IGBP1C: variants seen among roughly 807,000 people sequenced by gnomAD.
IGBP1C encodes the protein IGBP1 family member C, also known as immunoglobulin-binding protein 1 family member C.
the IGBP1C span, among the ~76,000 whole-genome samples, chr17:58,682,947 C>T: frequency 1.3e-5 from 2 of 149,144 alleles, no homozygotes; most frequent in South Asian, 2.2e-4. Flanking sequence ...GAGCTGGATG[C>T]GGTGGCTAAC....
the IGBP1C span, among the ~76,000 whole-genome samples, chr17:58,665,772 G>A: frequency 0.016 from 2,391 of 152,052 alleles, 64 homozygotes; most frequent in African/African-American, 0.054. Context: ...AAGGCTGGGC[G>A]CGGTGGCTCA....
chr17:58,676,138 G>A, the IGBP1C span, among the ~76,000 whole-genome samples: 1 of 152,180 alleles, frequency 6.6e-6, no homozygotes, highest in Non-Finnish European at 1.5e-5. Context: ...CACTTTGGAA[G>A]GCTGACGCAG....
chr17:58,682,669 C>T, the IGBP1C span, among the ~76,000 whole-genome samples: 6 of 152,282 alleles, frequency 3.9e-5, no homozygotes, highest in South Asian at 4.1e-4. Flanking sequence ...CCACCATGCC[C>T]GGCTGCCCAG....
the IGBP1C span, among the ~76,000 whole-genome samples, chr17:58,665,906 G>A: frequency 2.0e-5 from 3 of 151,870 alleles, no homozygotes; most frequent in African/African-American, 4.8e-5. Context: ...AACTAGCCAC[G>A]CGTGGTGGCG....
the IGBP1C span, among the ~76,000 whole-genome samples, chr17:58,688,510 T>C: frequency 6.6e-6 from 1 of 152,208 alleles, no homozygotes; most frequent in Non-Finnish European, 1.5e-5. Flanking sequence ...AATATGCGCA[T>C]TAGAATGCTG....
At chr17:58,683,142 G>A in the IGBP1C span, among the ~76,000 whole-genome samples, 14 of 151,810 alleles carry the variant, frequency 9.2e-5, no homozygotes, top group Non-Finnish European at 1.9e-4. Context: ...GGAGGCTGAG[G>A]CGGGTGAATC....
At chr17:58,664,889 AC>A in the IGBP1C span, among the ~76,000 whole-genome samples, 146 of 152,232 alleles carry the variant, frequency 9.6e-4, no homozygotes, top group African/African-American at 3.3e-3. Flanking sequence ...AGATAAGGCC[AC>A]CCTGGGTTCA....
At chr17:58,689,077 C>A in the IGBP1C span, among the ~76,000 whole-genome samples, 1 of 151,802 alleles carries the variant, frequency 6.6e-6, no homozygotes, top group Non-Finnish European at 1.5e-5. Context: ...ACTACAGGTG[C>A]CTGCCACCAC....
chr17:58,687,711 A>G, the IGBP1C span, among the ~76,000 whole-genome samples: 2 of 152,110 alleles, frequency 1.3e-5, no homozygotes, highest in Non-Finnish European at 2.9e-5. Context: ...CAAAAATTTC[A>G]TATTATTCCT....
At chr17:58,660,541 G>C in the IGBP1C span, 1 of 765,676 alleles carries the variant, frequency 1.3e-6, no homozygotes, top group Non-Finnish European at 2.4e-6. Context: ...GGCGGGGAAG[G>C]TGTGCACCCT....
At chr17:58,672,105 C>G in the IGBP1C span, among the ~76,000 whole-genome samples, 1 of 152,164 alleles carries the variant, frequency 6.6e-6, no homozygotes, top group Non-Finnish European at 1.5e-5. Flanking sequence ...AGTGTGCAAC[C>G]TAGATCCCTG....
chr17:58,684,181 G>T, the IGBP1C span, among the ~76,000 whole-genome samples: 2 of 151,902 alleles, frequency 1.3e-5, no homozygotes, highest in African/African-American at 2.4e-5. Context: ...GCTTCCGCCC[G>T]GCATGGTGAC....
the IGBP1C span, among the ~76,000 whole-genome samples, chr17:58,669,171 G>C: frequency 6.6e-6 from 1 of 152,040 alleles, no homozygotes; most frequent in Non-Finnish European, 1.5e-5. Context: ...GGCCAACATG[G>C]TGAAACCCCA....
the IGBP1C span, among the ~76,000 whole-genome samples, chr17:58,691,523 C>T: frequency 1.3e-5 from 2 of 151,800 alleles, no homozygotes; most frequent in Non-Finnish European, 2.9e-5. Flanking sequence ...AAAAATTAGC[C>T]GGGCATGGTG....
chr17:58,661,444 G>A, the IGBP1C span: 4 of 794,518 alleles, frequency 5.0e-6, no homozygotes. Context: ...TGGCAACCTT[G>A]TCAAGGAGGT....
chr17:58,678,760 A>G, the IGBP1C span, among the ~76,000 whole-genome samples: 3 of 151,472 alleles, frequency 2.0e-5, no homozygotes, highest in African/African-American at 7.3e-5. Flanking sequence ...CCAACATGGC[A>G]CATGTATACA....
chr17:58,668,356 T>C, the IGBP1C span, among the ~76,000 whole-genome samples: 1 of 152,108 alleles, frequency 6.6e-6, no homozygotes, highest in African/African-American at 2.4e-5. Context: ...AAAGTGCACC[T>C]CTCCCAGCTA....
the IGBP1C span, among the ~76,000 whole-genome samples, chr17:58,668,350 T>C: frequency 5.9e-5 from 9 of 152,178 alleles, no homozygotes; most frequent in Non-Finnish European, 1.5e-5. Flanking sequence ...AGCAAAAAAG[T>C]GCACCTCTCC....
At chr17:58,663,470 AT>A in the IGBP1C span, among the ~76,000 whole-genome samples, 200 of 144,970 alleles carry the variant, frequency 1.4e-3, 1 homozygote, top group Non-Finnish European at 1.3e-3. Context: ...CTGAATCTAA[AT>A]TTTTTTTTTT....
Sources: gnomAD v4.1 joint callset for allele counts (sites outside exome capture counted in the v4.1 genomes callset) on GRCh38, gnomAD v4.1.1 for gene constraint, MANE v1.5 for transcripts, NCBI Gene and HGNC (gene_info 2026-07-23, HGNC 2026-07-21) for gene names.